Variants in EXTL3 observed in about 807,000 individuals in gnomAD.
The protein encoded by EXTL3 is exostosin like glycosyltransferase 3, also known as exostosin-like 3.
A neutral mutation model predicts 69.3 loss-of-function variants in EXTL3; 27 were observed. That is an observed-to-expected ratio of 0.39 (90% confidence interval 0.29 to 0.54). EXTL3 has a LOEUF of 0.54. Among genes scored for constraint, EXTL3 ranks in the 20% least tolerant of loss-of-function variants. The probability of loss-of-function intolerance (pLI) is 0.69; values close to 1 mark genes in which losing one functional copy is unlikely to be tolerated. For synonymous variants in EXTL3, 511 were observed against 499.4 expected (o/e 1.02, Z -0.31); for missense variants, 1,003 against 1,231.8 (o/e 0.81, Z 2.78).
chr8:28,616,749 A>C (rs1806337310), intron 2 of EXTL3, among the ~76,000 whole-genome samples: 1 of 152,116 alleles, frequency 6.6e-6, no homozygotes, highest in Non-Finnish European at 1.5e-5. Context: ...CTGAGTATAG[A>C]TTTGGGTGTG....
chr8:28,675,847 C>A (rs938674495), intron 1 of EXTL3, among the ~76,000 whole-genome samples: 1 of 151,936 alleles, frequency 6.6e-6, no homozygotes, highest in Non-Finnish European at 1.5e-5. Flanking sequence ...CATGGTGAAA[C>A]CCCATCTCTA....
rs1390562755 is a variant in EXTL3 at position 28,716,029 on chromosome 8, C to T, written c.-31C>T. 1.2e-5 allele frequency: 18 copies of T among 1,563,268 alleles called. No individual in the cohort carries two copies. The highest frequency in any genetic ancestry group is 2.2e-5 in the East Asian group (1 of 44,448). Reference sequence around the variant, plus strand: ...CCCATGGTTATGGCGAGTGACCCGACGTGATCTGGGGGGCAGGCTGCAGAG... The same window carrying T: ...CCCATGGTTATGGCGAGTGACCCGATGTGATCTGGGGGGCAGGCTGCAGAG... On this transcript the variant is annotated 5_prime_UTR_variant, in exon 3 of 7. In the 5' UTR this introduces an upstream ATG that the reference lacks. Transcript: ENST00000220562. This position sits in a 1 kb window ranked among gnomAD's most constrained non-coding sequence, Gnocchi z 7.1.
At chr8:28,652,192 TG>T (rs148632058) in intron 1 of EXTL3, among the ~76,000 whole-genome samples, 3,525 of 152,204 alleles carry the variant, frequency 0.023, 109 homozygotes, top group African/African-American at 0.072. Flanking sequence ...TTACTTCTTC[TG>T]GGTGTTTTCA....
intron 1 of EXTL3, among the ~76,000 whole-genome samples, chr8:28,625,549 C>T (rs534818556): frequency 6.6e-6 from 1 of 152,182 alleles, no homozygotes; most frequent in South Asian, 2.1e-4. Context: ...GTCACTCATA[C>T]ATGAACTGTC....
Position 28,713,444 on chromosome 8 carries a change from T to G in EXTL3, c.-569-13T>G, listed in dbSNP as rs1205371842. On this transcript the variant is annotated splice_polypyrimidine_tract_variant and intron_variant, in intron 1 of 6. Coordinates refer to ENST00000220562, the MANE Select transcript of EXTL3 (RefSeq NM_001440.4). The stretch of plus-strand genomic sequence containing the variant: ...TGTTCTATTTTTGTTTTTTGTTTTT[T>G]TTTTTAAATCAGGAGAGCAAGCCCT... 2 of 672,318 alleles carry G rather than the reference T, an allele frequency of 3.0e-6. No individual in the cohort carries two copies. Among genetic ancestry groups the G allele is most frequent in the African/African-American group, 1.8e-5 (1 of 54,666 alleles). The allele number at this position is 672,318 out of a possible 1,614,324, so 41.6% of individuals were successfully genotyped here. A position where few individuals can be genotyped will look rare whatever the true frequency, so the allele number is the denominator to read the frequency against.
intron 1 of EXTL3, among the ~76,000 whole-genome samples, chr8:28,629,999 G>A (rs966685234): frequency 6.6e-6 from 1 of 152,180 alleles, no homozygotes; most frequent in African/African-American, 2.4e-5. Context: ...ATAAAGCCAG[G>A]TTGACTCATC....
intron 1 of EXTL3, among the ~76,000 whole-genome samples, chr8:28,687,258 G>C (rs1807592313): frequency 6.6e-6 from 1 of 152,236 alleles, no homozygotes; most frequent in African/African-American, 2.4e-5. Flanking sequence ...TTGAGGTCAG[G>C]AGTTCGTAAC....
At position 28,717,320 on chromosome 8, in the gene EXTL3, C is replaced by T. The variant is rs1360225251; in HGVS notation, c.1261C>T (p.Arg421Cys). The T allele has an allele frequency of 6.2e-7, 1 of 1,614,110 alleles. No homozygotes were observed. Among genetic ancestry groups the T allele is most frequent in the East Asian group, 2.2e-5 (1 of 44,860 alleles). ...EWALCGERED[R>C]LELLKLSTFA... is the part of the protein sequence containing the mutation. The stretch of plus-strand genomic sequence containing the variant: ...GGCACTGTGTGGAGAGCGGGAGGAC[C>T]GCTTGGAATTGCTGAAGCTCTCCAC... The change falls in exon 3 of 7, where the codon CGC becomes TGC. Residue 421 changes from arginine to cysteine, a missense_variant. Physicochemically the swap from Arg to Cys is radical, Grantham distance 180. Around this residue, in one of 2 missense-constraint regions of EXTL3, gnomAD observed 742 missense variants for 815.4 expected, o/e 0.91. Transcript: ENST00000220562. This position sits in a 1 kb window ranked among gnomAD's most constrained non-coding sequence, Gnocchi z 8.3.
intron 1 of EXTL3, among the ~76,000 whole-genome samples, chr8:28,628,731 G>C (rs1050541094): frequency 1.3e-5 from 2 of 152,126 alleles, no homozygotes; most frequent in African/African-American, 4.8e-5. Context: ...TCTGCTCACT[G>C]TAACCTCTGC....
Position 28,717,374 on chromosome 8 carries a change from C to G in EXTL3, c.1315C>G (p.Pro439Ala), listed in dbSNP as rs552465189. ...CGCCCTCATCATTACCCCCGGGGACCCTCGCTTGGTTATTTCCTCTGGGTG... is the reference window on the plus strand; with the variant it reads ...CGCCCTCATCATTACCCCCGGGGACGCTCGCTTGGTTATTTCCTCTGGGTG... The part of the protein sequence containing the change: ...TFALIITPGD[P>A]RLVISSGCAT... The change falls in exon 3 of 7, where the codon CCT (proline) becomes GCT (alanine). Residue 439 changes from proline (P) to alanine (A), a missense_variant. By Grantham distance (27) the Pro-to-Ala change is conservative. Coordinates refer to ENST00000220562, the MANE Select transcript of EXTL3 (RefSeq NM_001440.4). This position sits in a 1 kb window ranked among gnomAD's most constrained non-coding sequence, Gnocchi z 8.3. 3.2e-5 allele frequency: 52 copies of G among 1,614,164 alleles called. No homozygotes were observed. The South Asian group carries it at 5.6e-4, about 17-fold the overall frequency.
chr8:28,701,862 C>T (rs1800807428), intron 1 of EXTL3, among the ~76,000 whole-genome samples: 1 of 152,076 alleles, frequency 6.6e-6, no homozygotes, highest in Non-Finnish European at 1.5e-5. Context: ...GCTCGGGGGC[C>T]CGGGGAGAGG....
At chr8:28,679,361 G>A (rs932458860) in intron 1 of EXTL3, among the ~76,000 whole-genome samples, 4 of 152,142 alleles carry the variant, frequency 2.6e-5, no homozygotes, top group African/African-American at 7.2e-5. Context: ...CGGGAGAATC[G>A]CTTGAACCTG....
intron 2 of EXTL3, among the ~76,000 whole-genome samples, chr8:28,612,089 A>G (rs1267024913): frequency 2.0e-5 from 3 of 152,156 alleles, no homozygotes; most frequent in African/African-American, 7.2e-5. Context: ...TTCAGTGCAA[A>G]TGTTCTTCGG....
chr8:28,717,035 C>A lies in EXTL3; in HGVS notation c.976C>A (p.Pro326Thr). Reference sequence around the variant, plus strand: ...ACCGCTGGTCCATGCCATGTCTGAGCCCAACTTCATGGAAATCCCACCACA... The same window carrying A: ...ACCGCTGGTCCATGCCATGTCTGAGACCAACTTCATGGAAATCCCACCACA... ...VSPLVHAMSE[P>T]NFMEIPPQVP... The change falls in exon 3 of 7, where the codon CCC becomes ACC. Residue 326 changes from proline (P) to threonine (T), a missense_variant. By Grantham distance (38) the Pro-to-Thr change is conservative. Around this residue, in one of 2 missense-constraint regions of EXTL3, gnomAD observed 742 missense variants for 815.4 expected, o/e 0.91. Coordinates refer to ENST00000220562, the MANE Select transcript of EXTL3 (RefSeq NM_001440.4). This position sits in a 1 kb window ranked among gnomAD's most constrained non-coding sequence, Gnocchi z 8.3. The A allele has an allele frequency of 6.2e-7, 1 of 1,614,224 alleles. No homozygotes were observed. The highest frequency in any genetic ancestry group is 8.5e-7 in the Non-Finnish European group (1 of 1,180,028).
At chr8:28,653,601 G>A (rs1483624206) in intron 1 of EXTL3, among the ~76,000 whole-genome samples, 4 of 152,118 alleles carry the variant, frequency 2.6e-5, no homozygotes, top group Non-Finnish European at 4.4e-5. Flanking sequence ...AGTTTTTTCA[G>A]CACCATTTGT....
At chr8:28,637,932 C>A (rs1286070647) in intron 1 of EXTL3, among the ~76,000 whole-genome samples, 1 of 152,196 alleles carries the variant, frequency 6.6e-6, no homozygotes, top group African/African-American at 2.4e-5. Flanking sequence ...AAGTCACAAC[C>A]AATTCCCTGC....
At chr8:28,622,699 A>G (rs1222844092), upstream of EXTL3, 6 of 43,080 alleles carry the variant, frequency 1.4e-4, no homozygotes, top group Non-Finnish European at 2.6e-4. Context: ...CGGTGAGCCG[A>G]GGGCGGGGCC....
intron 1 of EXTL3, among the ~76,000 whole-genome samples, chr8:28,647,980 G>C (rs564613385): frequency 1.3e-5 from 2 of 151,298 alleles, no homozygotes; most frequent in Non-Finnish European, 2.9e-5. Context: ...GGTGGGAGAC[G>C]ATCAGTGGAG....
At chr8:28,710,613 C>CTTT (rs11446791) in intron 1 of EXTL3, 179 of 272,640 alleles carry the variant, frequency 6.6e-4, no homozygotes, top group Non-Finnish European at 8.3e-4. Context: ...TTCTTTCTTT[C>CTTT]TTTTTTTTTT....
Sources: allele counts gnomAD v4.1 joint callset (sites outside exome capture counted in the v4.1 genomes callset), GRCh38; gene constraint gnomAD v4.1.1; regional missense constraint gnomAD v4.1.1; non-coding constraint Gnocchi (gnomAD v3.1); transcripts MANE v1.5; gene names NCBI Gene and HGNC (gene_info 2026-07-23, HGNC 2026-07-21).